HECW1: variants seen among roughly 807,000 people sequenced by gnomAD.
The protein encoded by HECW1 is E3 ubiquitin-protein ligase HECW1.
In HECW1, 61 loss-of-function variants were observed where a neutral mutation model predicts 182.3. The ratio of observed to expected loss-of-function variants is 0.33; its 90% CI spans 0.27 to 0.41. HECW1 has a LOEUF of 0.41. HECW1 is among the 10% of genes least tolerant of loss of function. The probability of loss-of-function intolerance (pLI) is 1.00; values close to 1 mark genes in which losing one functional copy is unlikely to be tolerated. For missense variants in HECW1, 1,739 were observed against 2,108.9 expected, an observed-to-expected ratio of 0.82 and a Z score of 3.44; for synonymous variants, 859 against 832.6, an observed-to-expected ratio of 1.03 and a Z score of -0.55.
At chr7:43,141,841 A>G (rs1788190190) in intron 2 of HECW1, among the ~76,000 whole-genome samples, 1 of 152,302 alleles carries the variant, frequency 6.6e-6, no homozygotes, top group African/African-American at 2.4e-5. Flanking sequence ...TTTGTAAGGA[A>G]CCAAAGAAAT....
chr7:43,160,275 G>A (rs1028665648), intron 2 of HECW1, among the ~76,000 whole-genome samples: 3 of 151,808 alleles, frequency 2.0e-5, no homozygotes, highest in African/African-American at 7.3e-5. Flanking sequence ...CCAATTTGTT[G>A]TTTGCCTTTG....
At chr7:43,176,128 T>C (rs1376971409) in intron 2 of HECW1, among the ~76,000 whole-genome samples, 1 of 152,216 alleles carries the variant, frequency 6.6e-6, no homozygotes, top group African/African-American at 2.4e-5. Flanking sequence ...GTGGCAAATA[T>C]GGGCAATTTA....
chr7:43,205,636 C>T (rs561365943), intron 2 of HECW1, among the ~76,000 whole-genome samples: 27 of 152,248 alleles, frequency 1.8e-4, no homozygotes, highest in Non-Finnish European at 2.5e-4. Context: ...AAGAATGTCG[C>T]GCAGGTTGTA....
At chr7:43,489,623 C>T (rs894446737) in intron 17 of HECW1, among the ~76,000 whole-genome samples, 1 of 152,188 alleles carries the variant, frequency 6.6e-6, no homozygotes, top group Non-Finnish European at 1.5e-5. Flanking sequence ...AGGCCATGGG[C>T]AATAAGAAGG....
At chr7:43,525,557 A>G (rs920283489) in intron 24 of HECW1, among the ~76,000 whole-genome samples, 1 of 152,238 alleles carries the variant, frequency 6.6e-6, no homozygotes, top group African/African-American at 2.4e-5. Flanking sequence ...AGTTATTCTC[A>G]ATTAAAAATA....
At chr7:43,418,054 G>C (rs1416579473) in intron 8 of HECW1, among the ~76,000 whole-genome samples, 1 of 152,136 alleles carries the variant, frequency 6.6e-6, no homozygotes, top group Non-Finnish European at 1.5e-5. Flanking sequence ...CCTAGCTCCA[G>C]TGATGTAGGC....
rs1414123023 is a variant in HECW1 at position 43,563,485 on chromosome 7, GA to G, written c.*1562del. ...TTGTTTTCCATATTAAAACAAGGGA[GA>G]AATGTAAGACGAAGTGAATTTCATA... is the stretch of plus-strand genomic sequence containing the variant. On this transcript the variant is annotated 3_prime_UTR_variant, in exon 30 of 30. Transcript: ENST00000395891. 2 of 197,758 alleles carry G rather than the reference GA, an allele frequency of 1.0e-5. No individual in the cohort carries two copies. Among genetic ancestry groups the G allele is most frequent in the African/African-American group, 2.3e-5 (1 of 43,286 alleles). 12.3% of individuals were successfully genotyped at this position (197,758 alleles called of 1,614,324 possible). A position where few individuals can be genotyped will look rare whatever the true frequency, so the allele number is the denominator to read the frequency against.
intron 2 of HECW1, among the ~76,000 whole-genome samples, chr7:43,174,164 ATTTCAGAGCATACTG>A (rs1358985346): frequency 6.6e-6 from 1 of 152,154 alleles, no homozygotes; most frequent in African/African-American, 2.4e-5. Context: ...GATAGGTGGA[ATTTCAGAGCATACTG>A]GGAAGATGTC....
chr7:43,268,923 C>A (rs112253916), intron 3 of HECW1, among the ~76,000 whole-genome samples: 1 of 152,122 alleles, frequency 6.6e-6, no homozygotes, highest in East Asian at 1.9e-4. Flanking sequence ...TACCAGTGTG[C>A]GCCACCAACC....
intron 6 of HECW1, among the ~76,000 whole-genome samples, chr7:43,393,385 T>C (rs1562927535): frequency 6.6e-6 from 1 of 152,212 alleles, no homozygotes; most frequent in East Asian, 1.9e-4. Context: ...AAAGAGTCTG[T>C]CTGTGAGTAT....
At chr7:43,256,128 G>A (rs1328457683) in intron 3 of HECW1, among the ~76,000 whole-genome samples, 1 of 152,114 alleles carries the variant, frequency 6.6e-6, no homozygotes, top group African/African-American at 2.4e-5. Context: ...TCCATAGTAG[G>A]CCCTCGTAAA....
At chr7:43,186,413 A>G (rs1046911600) in intron 2 of HECW1, among the ~76,000 whole-genome samples, 1 of 152,162 alleles carries the variant, frequency 6.6e-6, no homozygotes, top group African/African-American at 2.4e-5. Context: ...CACGGCTATA[A>G]TCCCAGCACT....
intron 8 of HECW1, among the ~76,000 whole-genome samples, chr7:43,412,890 T>C (rs903765724): frequency 7.4e-5 from 11 of 148,768 alleles, no homozygotes; most frequent in African/African-American, 2.7e-4. Context: ...TCTTTGCTAT[T>C]GTGAATAATG....
intron 28 of HECW1, 81 bp from the exon 29 acceptor site, chr7:43,554,511 T>G: frequency 1.7e-6 from 2 of 1,187,538 alleles, no homozygotes; most frequent in Non-Finnish European, 2.4e-6. Flanking sequence ...TCATACCTGA[T>G]GTGTTTGATC....
In HECW1 at chr7:43,244,934, C is replaced by T. The variant is rs78211048; in HGVS notation, c.27+1002C>T. ...CAGTGTGTGCCTTGGTACGCGTCAG[C>T]GGGCGGGAAGATGAGGCCACGCTCA... On this transcript the variant is annotated intron_variant, in intron 3 of 29. Coordinates refer to ENST00000395891, the MANE Select transcript of HECW1 (RefSeq NM_015052.5). Among the ~76,000 whole-genome samples, 1,031 of 152,318 alleles carry T rather than the reference C, an allele frequency of 6.8e-3. 15 individuals carry two copies. The highest frequency in any genetic ancestry group is 0.024 in the African/African-American group (983 of 41,578).
rs79209356 is a variant in HECW1 at position 43,166,783 on chromosome 7, G to A, written c.-32+52392G>A. Among the ~76,000 whole-genome samples the A allele has an allele frequency of 6.1e-3, 935 of 152,298 alleles. 17 individuals are homozygous for A. The highest frequency in any genetic ancestry group is 0.021 in the African/African-American group (887 of 41,564). On this transcript the variant is annotated intron_variant, in intron 2 of 29. Transcript: ENST00000395891. ...TTGGTCAGGTGGAAAGGGCCCATTTGAATTATTGATCTTAATTAATTACCA... is the reference window on the plus strand; with the variant it reads ...TTGGTCAGGTGGAAAGGGCCCATTTAAATTATTGATCTTAATTAATTACCA...
chr7:43,148,049 G>A (rs1160328498), intron 2 of HECW1, among the ~76,000 whole-genome samples: 2 of 152,228 alleles, frequency 1.3e-5, no homozygotes, highest in Admixed American at 1.3e-4. Context: ...TTTGTGCCAT[G>A]TGGCAGTTTG....
At chr7:43,306,855 T>G (rs995725994) in intron 3 of HECW1, among the ~76,000 whole-genome samples, 2 of 152,118 alleles carry the variant, frequency 1.3e-5, no homozygotes, top group Admixed American at 6.6e-5. Flanking sequence ...TAAGATTCTG[T>G]TTTTTTACAG....
At chr7:43,415,154 C>T (rs543055417) in intron 8 of HECW1, among the ~76,000 whole-genome samples, 100 of 151,554 alleles carry the variant, frequency 6.6e-4, no homozygotes, top group African/African-American at 2.2e-3. Context: ...CATGATTTTG[C>T]AGCGGCTGGT....
Sources: allele counts gnomAD v4.1 joint callset (sites outside exome capture counted in the v4.1 genomes callset), GRCh38; gene constraint gnomAD v4.1.1; transcripts MANE v1.5; gene names NCBI Gene and HGNC (gene_info 2026-07-23, HGNC 2026-07-21).